Variants in SRGAP1 observed in about 807,000 individuals in gnomAD.
SRGAP1 encodes SLIT-ROBO Rho GTPase activating protein 1.
A neutral mutation model predicts 121.9 loss-of-function variants in SRGAP1; 43 were observed. The ratio of observed to expected loss-of-function variants is 0.35; its 90% confidence interval spans 0.28 to 0.46. SRGAP1 has a LOEUF of 0.46. Among genes scored for constraint, SRGAP1 ranks in the 20% least tolerant of loss-of-function variants. The pLI, the probability that SRGAP1 is intolerant of heterozygous loss-of-function variation, is 1.00. For synonymous variants in SRGAP1, 447 were observed against 485.4 expected (o/e 0.92, Z 1.04); for missense variants, 1,102 against 1,350.9 (o/e 0.82, Z 2.89).
rs1268051955 is a variant in SRGAP1 at position 63,844,704 on chromosome 12, G to T, written c.-113G>T. 1.0e-6 allele frequency: 1 copy of T among 1,004,378 alleles called. No homozygotes were observed. The highest frequency in any genetic ancestry group is 1.7e-5 in the Admixed American group (1 of 59,014). The allele number at this position is 1,004,378 out of a possible 1,614,324, so 62.2% of individuals were successfully genotyped here. On this transcript the variant is annotated 5_prime_UTR_variant, in exon 1 of 22. Coordinates refer to ENST00000355086, the MANE Select transcript of SRGAP1 (RefSeq NM_020762.4). This position sits in a 1 kb window ranked among gnomAD's most constrained non-coding sequence, Gnocchi z 4.3. ...CCCTCCTCCCTTCCCTCGGGTCGGCGCTGCCTCTGGATTGCCTGCGTGTGG... is the reference window on the plus strand; with the variant it reads ...CCCTCCTCCCTTCCCTCGGGTCGGCTCTGCCTCTGGATTGCCTGCGTGTGG...
At chr12:63,921,861 G>A (rs2031062051) in intron 1 of SRGAP1, among the ~76,000 whole-genome samples, 1 of 151,988 alleles carries the variant, frequency 6.6e-6, no homozygotes, top group Admixed American at 6.6e-5. Context: ...GGTTATGATA[G>A]ATAAACTCTT....
At chr12:64,127,804 A>T in intron 20 of SRGAP1, 57 bp from the exon 21 acceptor site, 1 of 1,597,850 alleles carries the variant, frequency 6.3e-7, no homozygotes, top group African/African-American at 1.3e-5. Flanking sequence ...TCAGCCTTGC[A>T]GTACTGCCCG....
At chr12:63,997,682 A>G (rs887484206) in intron 3 of SRGAP1, among the ~76,000 whole-genome samples, 2 of 152,182 alleles carry the variant, frequency 1.3e-5, no homozygotes, top group African/African-American at 4.8e-5. Context: ...TGGTCCAGGT[A>G]TACCAGTGTT....
At chr12:63,928,142 T>TA (rs2031329927) in intron 1 of SRGAP1, among the ~76,000 whole-genome samples, 1 of 152,210 alleles carries the variant, frequency 6.6e-6, no homozygotes, top group Non-Finnish European at 1.5e-5. Flanking sequence ...TCAAATTCTA[T>TA]ACTTCACCTC....
chr12:64,058,944 C>G (rs1317801899), intron 6 of SRGAP1, among the ~76,000 whole-genome samples: 1 of 152,014 alleles, frequency 6.6e-6, no homozygotes, highest in Admixed American at 6.6e-5. Flanking sequence ...TGCTGCCTAT[C>G]AGAAGTAACA....
chr12:63,870,039 A>T (rs1010096879), intron 1 of SRGAP1, among the ~76,000 whole-genome samples: 1 of 152,214 alleles, frequency 6.6e-6, no homozygotes, highest in African/African-American at 2.4e-5. Flanking sequence ...CTACATCAGG[A>T]TGCCACCTTA....
chr12:63,889,325 A>T (rs762182164), intron 1 of SRGAP1, among the ~76,000 whole-genome samples: 1 of 152,152 alleles, frequency 6.6e-6, no homozygotes, highest in African/African-American at 2.4e-5. Flanking sequence ...TACCAAGCCT[A>T]CCAGAGAGCT....
intron 6 of SRGAP1, among the ~76,000 whole-genome samples, chr12:64,059,362 C>CT (rs906807922): frequency 5.1e-4 from 78 of 152,154 alleles, no homozygotes; most frequent in Non-Finnish European, 7.5e-4. Context: ...ATTGCTTTCT[C>CT]TTTTTTTTCT....
chr12:64,075,686 T>C (rs1193990893), intron 8 of SRGAP1, among the ~76,000 whole-genome samples: 2 of 152,212 alleles, frequency 1.3e-5, no homozygotes, highest in Admixed American at 6.5e-5. Flanking sequence ...ATTCAGTCTA[T>C]AGATATTTGA....
At chr12:64,122,433 G>C (rs900289049) in intron 18 of SRGAP1, among the ~76,000 whole-genome samples, 1 of 152,178 alleles carries the variant, frequency 6.6e-6, no homozygotes, top group Non-Finnish European at 1.5e-5. Flanking sequence ...ACTTGACTGT[G>C]AAATGGCTCT....
chr12:64,010,338 A>ACT (rs1198977876), intron 3 of SRGAP1, among the ~76,000 whole-genome samples: 1 of 152,080 alleles, frequency 6.6e-6, no homozygotes, highest in East Asian at 1.9e-4. Flanking sequence ...TGCTCAGTGT[A>ACT]CTCATACGTG....
At position 64,034,453 on chromosome 12, in the gene SRGAP1, C is replaced by T. The variant is rs2034854341; in HGVS notation, c.490-8337C>T. On this transcript the variant is annotated intron_variant, in intron 4 of 21. Transcript: ENST00000355086. The stretch of plus-strand genomic sequence containing the variant: ...TCTCAGGTGGTTCTCTATAGCAGTG[C>T]AAAAGCAGAGTAGTATATAAATGGA... Among the ~76,000 whole-genome samples the T allele has an allele frequency of 3.9e-5, 6 of 152,138 alleles. 1 individual carries two copies. The South Asian group carries it at 1.2e-3, about 32-fold the overall frequency.
At chr12:64,073,436 T>G (rs1347884899) in intron 8 of SRGAP1, among the ~76,000 whole-genome samples, 1 of 152,192 alleles carries the variant, frequency 6.6e-6, no homozygotes, top group East Asian at 1.9e-4. Flanking sequence ...TGAACACACT[T>G]TAATTGCAAA....
chr12:63,937,042 C>T (rs1222133375), intron 1 of SRGAP1, among the ~76,000 whole-genome samples: 4 of 152,120 alleles, frequency 2.6e-5, no homozygotes, highest in Non-Finnish European at 4.4e-5. Flanking sequence ...GCCCAGGTAA[C>T]ATTCTAGGAG....
chr12:63,970,693 A>C (rs2032921549), intron 1 of SRGAP1, among the ~76,000 whole-genome samples: 1 of 152,152 alleles, frequency 6.6e-6, no homozygotes, highest in Admixed American at 6.5e-5. Flanking sequence ...GTACTCACAA[A>C]TCCTTCCATT....
intron 4 of SRGAP1, among the ~76,000 whole-genome samples, chr12:64,039,659 G>GTGTGTGTGTGTGTGTA (rs1491522342): frequency 2.1e-5 from 3 of 143,244 alleles, no homozygotes; most frequent in African/African-American, 7.9e-5. Context: ...GTGTGTGTGT[G>GTGTGTGTGTGTGTGTA]TACACCCTCT....
chr12:63,933,157 C>T (rs1226779973), intron 1 of SRGAP1, among the ~76,000 whole-genome samples: 1 of 152,140 alleles, frequency 6.6e-6, no homozygotes, highest in Non-Finnish European at 1.5e-5. Context: ...CACCATAATC[C>T]AGCCTGGTGA....
chr12:63,844,956 A>C lies in SRGAP1; in HGVS notation c.67+73A>C, dbSNP rs1898849557. 5 of 1,454,376 alleles carry C rather than the reference A, an allele frequency of 3.4e-6. No individual in the cohort carries two copies. Among genetic ancestry groups the C allele is most frequent in the Non-Finnish European group, 4.8e-6 (5 of 1,034,728 alleles). The allele number at this position is 1,454,376 out of a possible 1,614,324, so 90.1% of individuals were successfully genotyped here. On this transcript the variant is annotated intron_variant, in intron 1 of 21. Coordinates refer to ENST00000355086, the MANE Select transcript of SRGAP1 (RefSeq NM_020762.4). The surrounding 1 kb of genome is among the most constrained non-coding windows in gnomAD (Gnocchi z 4.3). ...ATTGTGCTCGTGGAGTTGCGTATCTAACTTGGTGTCTGCGTGGGAGGAAGG... is the reference window on the plus strand; with the variant it reads ...ATTGTGCTCGTGGAGTTGCGTATCTCACTTGGTGTCTGCGTGGGAGGAAGG...
rs188337579 is a variant in SRGAP1 at position 64,153,837 on chromosome 12, G to C, written c.*11165G>C. 2 of 152,348 alleles carry C rather than the reference G, an allele frequency of 1.3e-5. No individual in the cohort carries two copies. Among genetic ancestry groups the C allele is most frequent in the Admixed American group, 6.5e-5 (1 of 15,294 alleles). 9.4% of individuals were successfully genotyped at this position (152,348 alleles called of 1,614,324 possible). ...ATCCAAAAGAATTGAAAACAGAAGA[G>C]ATATTTGCACACTCATGTTCACGCA... is the stretch of plus-strand genomic sequence containing the variant. On this transcript the variant is annotated 3_prime_UTR_variant, in exon 22 of 22. Coordinates refer to ENST00000355086, the MANE Select transcript of SRGAP1 (RefSeq NM_020762.4).
Sources: gnomAD v4.1 joint callset for allele counts (sites outside exome capture counted in the v4.1 genomes callset) on GRCh38, gnomAD v4.1.1 for gene constraint, Gnocchi (gnomAD v3.1) non-coding constraint, MANE v1.5 for transcripts, NCBI Gene and HGNC (gene_info 2026-07-23, HGNC 2026-07-21) for gene names.